The following NOD1 variants were observed in gnomAD, a reference collection of about 807,000 sequenced individuals.
NOD1 encodes nucleotide binding oligomerization domain containing 1.
Under a neutral mutation model 81.2 loss-of-function variants are expected in NOD1, and 70 were observed. That is an observed-to-expected ratio of 0.86 (90% CI 0.71 to 1.05). The LOEUF (loss-of-function observed/expected upper bound fraction) is 1.05, where lower values mean the gene tolerates loss of function less well. Ranked by LOEUF, NOD1 falls within the 50% of genes least tolerant of loss-of-function variation. The pLI, the probability that NOD1 is intolerant of heterozygous loss-of-function variation, is 0.00. For missense variants in NOD1, 1,233 were observed against 1,228.0 expected (o/e 1.00, Z -0.06); for synonymous variants, 508 against 526.9 (o/e 0.96, Z 0.49).
chr7:30,471,004 A>C (rs1024168172), intron 1 of NOD1, among the ~76,000 whole-genome samples: 5 of 151,254 alleles, frequency 3.3e-5, no homozygotes, highest in Non-Finnish European at 5.9e-5. Context: ...AGCACTCCAC[A>C]AGAACAAAAT....
At chr7:30,447,492 G>A (rs560011801) in intron 7 of NOD1, 56 of 234,368 alleles carry the variant, frequency 2.4e-4, no homozygotes, top group African/African-American at 1.2e-3. Flanking sequence ...CCATCTCACC[G>A]CTCAATGCCA....
At chr7:30,465,351 A>T (rs1356518620) in intron 1 of NOD1, among the ~76,000 whole-genome samples, 1 of 150,064 alleles carries the variant, frequency 6.7e-6, no homozygotes, top group Non-Finnish European at 1.5e-5. Flanking sequence ...GTGTATCTTT[A>T]TAATAAACCC....
chr7:30,457,398 C>G (rs559700801), intron 3 of NOD1, among the ~76,000 whole-genome samples: 1 of 152,022 alleles, frequency 6.6e-6, no homozygotes, highest in Non-Finnish European at 1.5e-5. Context: ...CTGCAGTGAA[C>G]GATGATCACA....
chr7:30,438,185 A>T (rs1394661804), intron 9 of NOD1, among the ~76,000 whole-genome samples: 1 of 152,204 alleles, frequency 6.6e-6, no homozygotes, highest in Admixed American at 6.5e-5. Context: ...AGAGGACGTT[A>T]CCCAACCAAG....
At chr7:30,461,548 A>C (rs1787075300) in intron 1 of NOD1, among the ~76,000 whole-genome samples, 1 of 152,198 alleles carries the variant, frequency 6.6e-6, no homozygotes, top group Non-Finnish European at 1.5e-5. Context: ...GAAACCTGGC[A>C]TGTGTTTTAA....
At chr7:30,439,410 G>C (rs1394006905) in intron 9 of NOD1, among the ~76,000 whole-genome samples, 1 of 140,750 alleles carries the variant, frequency 7.1e-6, no homozygotes, top group East Asian at 2.1e-4. Flanking sequence ...CACCGTGCGC[G>C]AGCCGAAGCA....
chr7:30,448,098 G>A, intron 7 of NOD1, 200 bp downstream of exon 7: 3 of 583,146 alleles, frequency 5.1e-6, no homozygotes, highest in South Asian at 2.1e-5. Context: ...CAGTTTTACA[G>A]GTGAGGAGGC....
At chr7:30,454,486 T>A (rs1786135478) in intron 5 of NOD1, among the ~76,000 whole-genome samples, 1 of 152,160 alleles carries the variant, frequency 6.6e-6, no homozygotes, top group African/African-American at 2.4e-5. Flanking sequence ...CAGTGTAGGG[T>A]CTTGGCATGT....
At chr7:30,475,968 G>A (rs1236532641) in intron 1 of NOD1, 1 of 152,200 alleles carries the variant, frequency 6.6e-6, no homozygotes, top group African/African-American at 2.4e-5. Flanking sequence ...GGCCCCTTGT[G>A]TGACATGCAA....
intron 13 of NOD1, among the ~76,000 whole-genome samples, chr7:30,426,112 T>G (rs919783678): frequency 2.0e-5 from 3 of 152,178 alleles, no homozygotes; most frequent in African/African-American, 7.2e-5. Flanking sequence ...CTTTCCTATA[T>G]TCTCCTCCAT....
In NOD1 at chr7:30,453,019, A is replaced by G; in HGVS notation, c.398T>C (p.Leu133Pro). ...GGAGTCACGGCCCAGATGGTGTCGC[A>G]GCTGCTGGGTATACCTGCTCACTGG... ...TDPVSRYTQQ[L>P]RHHLGRDSKF... The change falls in exon 6 of 14, where the codon CTG becomes CCG. Residue 133 changes from leucine to proline, a missense_variant. Transcript: ENST00000222823. 1.2e-6 allele frequency: 2 copies of G among 1,611,018 alleles called. No individual in the cohort carries two copies. The highest frequency in any genetic ancestry group is 1.7e-6 in the Non-Finnish European group (2 of 1,178,324).
chr7:30,462,690 T>C (rs1275793045), intron 1 of NOD1, among the ~76,000 whole-genome samples: 1 of 152,142 alleles, frequency 6.6e-6, no homozygotes, highest in East Asian at 1.9e-4. Context: ...GGCTCACGCT[T>C]GTAATCCTAG....
intron 1 of NOD1, chr7:30,460,521 G>C (rs1051597751): frequency 2.0e-6 from 2 of 985,232 alleles, no homozygotes; most frequent in African/African-American, 3.5e-5. Context: ...TGGAGATCCT[G>C]GTAAGACAGC....
intron 3 of NOD1, among the ~76,000 whole-genome samples, chr7:30,458,673 A>T (rs1219089197): frequency 6.6e-6 from 1 of 152,204 alleles, no homozygotes; most frequent in Non-Finnish European, 1.5e-5. Context: ...TCACCAAAAA[A>T]ATTTAAAGGT....
At chr7:30,457,481 GA>G (rs200801586) in intron 3 of NOD1, among the ~76,000 whole-genome samples, 4 of 151,708 alleles carry the variant, frequency 2.6e-5, no homozygotes, top group African/African-American at 4.8e-5. Context: ...ATGCATTAAA[GA>G]AAAAAAATCA....
chr7:30,437,736 C>T (rs1784507552), intron 9 of NOD1, 80 bp from the exon 10 acceptor site: 10 of 947,314 alleles, frequency 1.1e-5, no homozygotes, highest in Non-Finnish European at 1.4e-5. Context: ...CCAATGGCCA[C>T]AGCTCAGTTC....
Position 30,433,182 on chromosome 7 carries a change from A to T in NOD1, c.2622-3T>A, listed in dbSNP as rs749082919. The T allele has an allele frequency of 2.5e-6, 4 of 1,609,536 alleles. No homozygotes were observed. The Admixed American group carries it at 6.7e-5, about 27-fold the overall frequency. On this transcript the variant is annotated splice_polypyrimidine_tract_variant and splice_region_variant and intron_variant, in intron 11 of 13. Transcript: ENST00000222823. The stretch of plus-strand genomic sequence containing the variant: ...CGTTGAGTTCATTTTGGGTCAGCCT[A>T]AGGAAAAAAAAGGAAGTATTTACTC...
Position 30,451,346 on chromosome 7 carries a change from CGGCCGAGCAGGCGTTGCAGTA to C in NOD1, c.2050_2070del (p.Tyr684_Ala690del). 1 of 1,614,192 alleles carries C rather than the reference CGGCCGAGCAGGCGTTGCAGTA, an allele frequency of 6.2e-7. No individual in the cohort carries two copies. The highest frequency in any genetic ancestry group is 8.5e-7 in the Non-Finnish European group (1 of 1,180,046). ...AGGACGAAGGAGAGGGCGCTGCAGTCGGCCGAGCAGGCGTTGCAGTAGGTCAGCTTGAGGTAGTTGGCGCAG... is the reference window on the plus strand; with the variant it reads ...AGGACGAAGGAGAGGGCGCTGCAGTCGGTCAGCTTGAGGTAGTTGGCGCAG... On this transcript the variant is annotated inframe_deletion, in exon 6 of 14. Coordinates refer to ENST00000222823, the MANE Select transcript of NOD1 (RefSeq NM_006092.4). The surrounding 1 kb of genome is among the most constrained non-coding windows in gnomAD (Gnocchi z 4.2).
intron 5 of NOD1, 124 bp downstream of exon 5, chr7:30,455,013 T>C: frequency 2.1e-6 from 2 of 969,826 alleles, no homozygotes; most frequent in Non-Finnish European, 3.1e-6. Context: ...TGTTCCTTTC[T>C]AAAATCAAAA....
Sources: allele counts gnomAD v4.1 joint callset (sites outside exome capture counted in the v4.1 genomes callset), GRCh38; gene constraint gnomAD v4.1.1; non-coding constraint Gnocchi (gnomAD v3.1); transcripts MANE v1.5; gene names NCBI Gene and HGNC (gene_info 2026-07-23, HGNC 2026-07-21).